Variants in DGKB observed in about 807,000 individuals in gnomAD.
The protein encoded by DGKB is 90 kDa diacylglycerol kinase.
In DGKB, 67 loss-of-function variants were observed where a neutral mutation model predicts 114.3. The ratio of observed to expected loss-of-function variants is 0.59; its 90% CI spans 0.48 to 0.72. The LOEUF (loss-of-function observed/expected upper bound fraction) is 0.72. Among genes scored for constraint, DGKB ranks in the 30% least tolerant of loss-of-function variants. The pLI is 0.00. For synonymous variants in DGKB, 398 were observed against 323.1 expected, an observed-to-expected ratio of 1.23 and a Z score of -2.49; for missense variants, 907 against 975.2, an observed-to-expected ratio of 0.93 and a Z score of 0.93.
At chr7:14,550,277 T>C (rs1024756929) in intron 20 of DGKB, among the ~76,000 whole-genome samples, 9 of 151,468 alleles carry the variant, frequency 5.9e-5, no homozygotes, top group Non-Finnish European at 1.3e-4. Flanking sequence ...CTAAGGAGTT[T>C]AGTGTGACTT....
intron 13 of DGKB, among the ~76,000 whole-genome samples, chr7:14,652,816 A>G (rs1814862301): frequency 3.9e-5 from 6 of 152,210 alleles, no homozygotes; most frequent in Admixed American, 3.9e-4. Context: ...AGAAAAAAAC[A>G]AACAACCCCA....
At chr7:14,914,178 G>A (rs1012375707) in intron 1 of DGKB, among the ~76,000 whole-genome samples, 1 of 152,130 alleles carries the variant, frequency 6.6e-6, no homozygotes, top group South Asian at 2.1e-4. Context: ...AGCCTTCTCT[G>A]ACCTGGAAAA....
chr7:14,176,937 A>ATACTT (rs1562539557), intron 24 of DGKB, 38 bp from the exon 25 acceptor site: 1 of 1,611,370 alleles, frequency 6.2e-7, no homozygotes. Context: ...TTGCAAGGAA[A>ATACTT]TACTTTATAT....
At chr7:14,288,071 T>C (rs1261309952) in intron 23 of DGKB, among the ~76,000 whole-genome samples, 1 of 152,114 alleles carries the variant, frequency 6.6e-6, no homozygotes, top group East Asian at 1.9e-4. Context: ...ATGGTTCTTA[T>C]ATTGTTAAAA....
At chr7:14,230,922 AT>A (rs1791626757) in intron 23 of DGKB, among the ~76,000 whole-genome samples, 1 of 151,996 alleles carries the variant, frequency 6.6e-6, no homozygotes, top group Non-Finnish European at 1.5e-5. Flanking sequence ...TATTATAAAT[AT>A]TTTCACAACA....
intron 12 of DGKB, among the ~76,000 whole-genome samples, chr7:14,679,536 G>C (rs1361329215): frequency 6.6e-6 from 1 of 152,024 alleles, no homozygotes; most frequent in African/African-American, 2.4e-5. Context: ...GACAAACCCT[G>C]AAAGAAAGCC....
At chr7:14,642,769 G>A (rs1417781780) in intron 13 of DGKB, among the ~76,000 whole-genome samples, 1 of 152,048 alleles carries the variant, frequency 6.6e-6, no homozygotes, top group Non-Finnish European at 1.5e-5. Flanking sequence ...GCTGCATATG[G>A]TATATTACAT....
chr7:14,734,860 A>G (rs892175821), intron 5 of DGKB, among the ~76,000 whole-genome samples: 5 of 152,102 alleles, frequency 3.3e-5, no homozygotes, highest in Non-Finnish European at 5.9e-5. Context: ...AGTGAGAAAC[A>G]CTGCTGAAGA....
intron 23 of DGKB, among the ~76,000 whole-genome samples, chr7:14,190,584 T>C (rs1330725096): frequency 6.6e-6 from 1 of 151,630 alleles, no homozygotes; most frequent in Non-Finnish European, 1.5e-5. Context: ...AGAACAAAAA[T>C]TCAAAAGATC....
chr7:14,591,725 C>A (rs1230068002), intron 17 of DGKB, among the ~76,000 whole-genome samples: 1 of 151,926 alleles, frequency 6.6e-6, no homozygotes, highest in Non-Finnish European at 1.5e-5. Context: ...ACCACAACCA[C>A]AACAAAAGAG....
intron 4 of DGKB, among the ~76,000 whole-genome samples, chr7:14,737,481 G>A (rs1321692598): frequency 6.6e-6 from 1 of 151,836 alleles, no homozygotes; most frequent in Non-Finnish European, 1.5e-5. Flanking sequence ...ATTTATTATT[G>A]TATTATTTGG....
intron 1 of DGKB, among the ~76,000 whole-genome samples, chr7:14,962,985 T>A (rs945287025): frequency 2.0e-5 from 3 of 152,054 alleles, no homozygotes; most frequent in African/African-American, 7.2e-5. Flanking sequence ...AGCACTTTCA[T>A]TTTCTCTCTT....
intron 21 of DGKB, among the ~76,000 whole-genome samples, chr7:14,368,110 T>C (rs990748473): frequency 2.0e-5 from 3 of 152,038 alleles, no homozygotes; most frequent in Non-Finnish European, 4.4e-5. Context: ...GTGCAGAACA[T>C]ATATAGAGTT....
At chr7:14,910,810 G>A (rs116591408) in intron 1 of DGKB, among the ~76,000 whole-genome samples, 214 of 152,154 alleles carry the variant, frequency 1.4e-3, no homozygotes, top group Admixed American at 4.8e-3. Flanking sequence ...TGAATGCTGA[G>A]GGCAATACAA....
Position 14,816,099 on chromosome 7 carries a change from G to T in DGKB, c.70+25095C>A, listed in dbSNP as rs768860482. Among the ~76,000 whole-genome samples, 12 of 152,168 alleles carry T rather than the reference G, an allele frequency of 7.9e-5. No homozygotes were observed. The East Asian group carries it at 1.3e-3, about 17-fold the overall frequency. The stretch of plus-strand genomic sequence containing the variant: ...TAATCCCAGCACTTTGGGAGGACGA[G>T]GCGGGCAGATCACTTGAGGTCAGGA... On this transcript the variant is annotated intron_variant, in intron 2 of 25. Transcript: ENST00000402815.
At position 14,538,926 on chromosome 7, in the gene DGKB, G is replaced by C. The variant is rs532615557; in HGVS notation, c.1770+35286C>G. Among the ~76,000 whole-genome samples, 25 of 152,218 alleles carry C rather than the reference G, an allele frequency of 1.6e-4. No individual in the cohort carries two copies. In the South Asian group the frequency reaches 5.2e-3, roughly 32 times the overall value. ...CCTCTTACATGATGCATCTGAAACA[G>C]TCTCATGTATAGAAATAGATAGTAA... On this transcript the variant is annotated intron_variant, in intron 20 of 25. Coordinates refer to ENST00000402815, the MANE Select transcript of DGKB (RefSeq NM_001350709.2).
intron 1 of DGKB, among the ~76,000 whole-genome samples, chr7:14,883,488 T>A (rs1249002310): frequency 6.6e-6 from 1 of 151,964 alleles, no homozygotes; most frequent in Non-Finnish European, 1.5e-5. Flanking sequence ...TTTCTAGCTT[T>A]TTAAAATAAA....
chr7:14,547,991 T>C (rs929438396), intron 20 of DGKB, among the ~76,000 whole-genome samples: 2 of 152,252 alleles, frequency 1.3e-5, no homozygotes, highest in African/African-American at 4.8e-5. Flanking sequence ...CCATTTTCTA[T>C]AATTGTTAGA....
intron 23 of DGKB, among the ~76,000 whole-genome samples, chr7:14,276,973 T>A (rs913705729): frequency 3.9e-5 from 6 of 152,082 alleles, no homozygotes; most frequent in African/African-American, 1.2e-4. Context: ...AGTTAACATA[T>A]CTTTTTTGTG....
Sources: gnomAD v4.1 joint callset for allele counts (sites outside exome capture counted in the v4.1 genomes callset) on GRCh38, gnomAD v4.1.1 for gene constraint, MANE v1.5 for transcripts, NCBI Gene and HGNC (gene_info 2026-07-23, HGNC 2026-07-21) for gene names.